The following PID1 variants were observed in gnomAD, a reference collection of about 807,000 sequenced individuals.
The protein encoded by PID1 is phosphotyrosine interaction domain containing 1, also known as PTB-containing, cubilin and LRP1-interacting protein.
PID1 carries 10 observed loss-of-function variants against 19.1 expected under a neutral mutation model. The ratio of observed to expected loss-of-function variants is 0.52; its 90% CI spans 0.32 to 0.89. The LOEUF (loss-of-function observed/expected upper bound fraction) is 0.89. Among genes scored for constraint, PID1 ranks in the 40% least tolerant of loss-of-function variants. The pLI, the probability that PID1 is intolerant of heterozygous loss-of-function variation, is 0.03. For synonymous variants in PID1, 130 were observed against 116.0 expected, an observed-to-expected ratio of 1.12 and a Z score of -0.78; for missense variants, 248 against 285.3, an observed-to-expected ratio of 0.87 and a Z score of 0.94.
At chr2:229,036,916 G>A (rs1693676367) in intron 2 of PID1, among the ~76,000 whole-genome samples, 1 of 152,304 alleles carries the variant, frequency 6.6e-6, no homozygotes. Context: ...GAAGTAGAGG[G>A]TAAGCTTAGC....
intron 1 of PID1, among the ~76,000 whole-genome samples, chr2:229,199,412 C>A (rs1691444456): frequency 6.6e-6 from 1 of 152,010 alleles, no homozygotes; most frequent in Non-Finnish European, 1.5e-5. Flanking sequence ...AGAGCAAGAA[C>A]TCTCTCATTC....
chr2:229,031,121 C>A (rs1324809036), intron 2 of PID1, among the ~76,000 whole-genome samples: 3 of 141,882 alleles, frequency 2.1e-5, no homozygotes, highest in Non-Finnish European at 4.5e-5. Context: ...GAGGCTGAGG[C>A]AGAAGAATCG....
At chr2:229,203,750 A>G (rs1395330727) in intron 1 of PID1, among the ~76,000 whole-genome samples, 1 of 152,106 alleles carries the variant, frequency 6.6e-6, no homozygotes, top group Admixed American at 6.6e-5. Flanking sequence ...ACACAGGTGG[A>G]CATACCCAGC....
intron 2 of PID1, among the ~76,000 whole-genome samples, chr2:229,102,842 C>T (rs1363796625): frequency 6.6e-6 from 1 of 152,192 alleles, no homozygotes; most frequent in Non-Finnish European, 1.5e-5. Flanking sequence ...ACCTGCCATG[C>T]GGCTCATCAC....
intron 1 of PID1, among the ~76,000 whole-genome samples, chr2:229,162,933 A>C (rs1237840035): frequency 1.3e-5 from 2 of 152,244 alleles, no homozygotes; most frequent in African/African-American, 4.8e-5. Flanking sequence ...CATTTTTCAC[A>C]GAAATAAATG....
chr2:229,114,735 A>G (rs1323383465), intron 2 of PID1, among the ~76,000 whole-genome samples: 1 of 152,194 alleles, frequency 6.6e-6, no homozygotes, highest in Non-Finnish European at 1.5e-5. Context: ...TTTGTAATAA[A>G]AATCAACACC....
At chr2:229,242,755 A>G (rs542343147) in intron 1 of PID1, among the ~76,000 whole-genome samples, 1 of 152,090 alleles carries the variant, frequency 6.6e-6, no homozygotes, top group Non-Finnish European at 1.5e-5. Context: ...GTTACCTATA[A>G]GCTCCCAATA....
chr2:229,162,338 A>C (rs1690507701), intron 1 of PID1, among the ~76,000 whole-genome samples: 1 of 152,208 alleles, frequency 6.6e-6, no homozygotes, highest in Non-Finnish European at 1.5e-5. Flanking sequence ...ACCAATTCAA[A>C]TTGGTTGTAT....
chr2:229,236,991 C>CACAT (rs1258723420), intron 1 of PID1, among the ~76,000 whole-genome samples: 1 of 105,796 alleles, frequency 9.5e-6, no homozygotes, highest in Non-Finnish European at 2.2e-5. Flanking sequence ...CACACATACA[C>CACAT]ACACACACAC....
intron 2 of PID1, among the ~76,000 whole-genome samples, chr2:229,107,263 A>T (rs10167152): frequency 6.6e-6 from 1 of 151,892 alleles, no homozygotes; most frequent in South Asian, 2.1e-4. Context: ...TGTTGTTTTA[A>T]GCCACCAAGT....
chr2:229,041,646 C>T (rs1693772250), intron 2 of PID1, among the ~76,000 whole-genome samples: 1 of 152,170 alleles, frequency 6.6e-6, no homozygotes, highest in South Asian at 2.1e-4. Context: ...CTCCACAAGA[C>T]ACCTATTATT....
intron 1 of PID1, among the ~76,000 whole-genome samples, chr2:229,193,115 G>A (rs1177028555): frequency 1.3e-5 from 2 of 152,148 alleles, no homozygotes; most frequent in Non-Finnish European, 2.9e-5. Context: ...AGGAATATGG[G>A]CAGGGCTCAG....
At chr2:229,237,900 C>A (rs1393037480) in intron 1 of PID1, among the ~76,000 whole-genome samples, 2 of 152,284 alleles carry the variant, frequency 1.3e-5, no homozygotes, top group East Asian at 1.9e-4. Context: ...TACACAGACA[C>A]ATAACAAAAT....
intron 2 of PID1, among the ~76,000 whole-genome samples, chr2:229,121,194 T>C (rs1695511105): frequency 6.6e-6 from 1 of 152,132 alleles, no homozygotes; most frequent in African/African-American, 2.4e-5. Context: ...ACATAGAATA[T>C]AGAGCCACCT....
chr2:229,204,690 G>A (rs1691569482), intron 1 of PID1, among the ~76,000 whole-genome samples: 2 of 152,080 alleles, frequency 1.3e-5, no homozygotes, highest in Admixed American at 1.3e-4. Context: ...CATGAGATCT[G>A]GACCCAAATG....
At chr2:229,052,758 T>C (rs1334121179) in intron 2 of PID1, among the ~76,000 whole-genome samples, 3 of 152,148 alleles carry the variant, frequency 2.0e-5, no homozygotes, top group East Asian at 3.9e-4. Flanking sequence ...ACTTGGCTTC[T>C]AGTTGACATG....
At chr2:229,218,293 C>CAAAAAAAAAAAAAAAAAAAAAACATAACA (rs1691891489) in intron 1 of PID1, among the ~76,000 whole-genome samples, 1 of 67,598 alleles carries the variant, frequency 1.5e-5, no homozygotes, top group Non-Finnish European at 2.6e-5. Flanking sequence ...GTTTCCTGAG[C>CAAAAAAAAAAAAAAAAAAAAAACATAACA]AAAAAAAAAA....
rs375205753 is a variant in PID1 at position 229,116,547 on chromosome 2, G to A, written c.177+39271C>T. ...TGAATCATGGGGGTGGGTCTTTCCC[G>A]TGCTGTTCTCATGGTAGTGAATAAG... On this transcript the variant is annotated intron_variant, in intron 2 of 2. Coordinates refer to ENST00000392055, the MANE Select transcript of PID1 (RefSeq NM_001100818.2). Among the ~76,000 whole-genome samples, 184 of 152,202 alleles carry A rather than the reference G, an allele frequency of 1.2e-3. 1 individual carries two copies. In the Middle Eastern group the frequency reaches 0.014, roughly 11 times the overall value.
At chr2:229,121,998 T>C (rs1288216428) in intron 2 of PID1, among the ~76,000 whole-genome samples, 1 of 152,126 alleles carries the variant, frequency 6.6e-6, no homozygotes, top group Non-Finnish European at 1.5e-5. Context: ...GCGAAAAAAG[T>C]CTCATTCTAG....
Sources: gnomAD v4.1 joint callset for allele counts (sites outside exome capture counted in the v4.1 genomes callset) on GRCh38, gnomAD v4.1.1 for gene constraint, MANE v1.5 for transcripts, NCBI Gene and HGNC (gene_info 2026-07-23, HGNC 2026-07-21) for gene names.